The following SGCD variants were observed in gnomAD, a reference collection of about 807,000 sequenced individuals.
SGCD encodes the protein delta-sarcoglycan.
A neutral mutation model predicts 36.6 loss-of-function variants in SGCD; 18 were observed. The ratio of observed to expected loss-of-function variants is 0.49; its 90% CI spans 0.34 to 0.73. The LOEUF is 0.73. Ranked by LOEUF, SGCD falls within the 30% of genes least tolerant of loss-of-function variation. SGCD has a pLI of 0.01. For missense variants in SGCD, 387 were observed against 346.7 expected (o/e 1.12, Z -0.92); for synonymous variants, 133 against 130.6 (o/e 1.02, Z -0.12).
At chr5:156,070,434 T>C (rs967967796) in intron 1 of SGCD, among the ~76,000 whole-genome samples, 1 of 151,134 alleles carries the variant, frequency 6.6e-6, no homozygotes, top group Non-Finnish European at 1.5e-5. Flanking sequence ...GGATTACATT[T>C]ATTGATTTGT....
intron 3 of SGCD, among the ~76,000 whole-genome samples, chr5:156,187,156 G>A (rs1399129729): frequency 6.6e-6 from 1 of 152,084 alleles, no homozygotes; most frequent in South Asian, 2.1e-4. Flanking sequence ...CAGGATAATA[G>A]AGATAATCAT....
intron 6 of SGCD, among the ~76,000 whole-genome samples, chr5:156,638,744 A>T (rs1379600283): frequency 6.6e-6 from 1 of 152,148 alleles, no homozygotes; most frequent in Admixed American, 6.5e-5. Flanking sequence ...TACACTGAGC[A>T]TGAGTTCCGG....
intron 3 of SGCD, among the ~76,000 whole-genome samples, chr5:156,187,837 C>T (rs942504760): frequency 1.1e-4 from 17 of 152,242 alleles, no homozygotes; most frequent in African/African-American, 4.1e-4. Flanking sequence ...CAGTGATTTT[C>T]CAACAAAATT....
intron 4 of SGCD, among the ~76,000 whole-genome samples, chr5:156,547,016 G>C (rs950371795): frequency 2.0e-5 from 3 of 152,112 alleles, no homozygotes; most frequent in Admixed American, 6.5e-5. Flanking sequence ...ATTTCCATCT[G>C]TACAAATATT....
intron 1 of SGCD, among the ~76,000 whole-genome samples, chr5:155,998,463 G>A (rs1758599575): frequency 6.6e-6 from 1 of 152,150 alleles, no homozygotes; most frequent in Non-Finnish European, 1.5e-5. Flanking sequence ...GCTGACTAGG[G>A]TAATTTTCCC....
At chr5:156,641,388 T>TA (rs1467505029) in intron 6 of SGCD, among the ~76,000 whole-genome samples, 1 of 152,194 alleles carries the variant, frequency 6.6e-6, no homozygotes, top group Non-Finnish European at 1.5e-5. Context: ...TACATGAAGA[T>TA]ACCTTTAGCT....
At chr5:156,362,214 T>G (rs1029058996) in intron 3 of SGCD, among the ~76,000 whole-genome samples, 2 of 152,230 alleles carry the variant, frequency 1.3e-5, no homozygotes, top group Non-Finnish European at 2.9e-5. Flanking sequence ...AGAGGCCATT[T>G]GACCTTTACT....
At chr5:155,809,448 T>C in the SGCD span, among the ~76,000 whole-genome samples, 8 of 152,342 alleles carry the variant, frequency 5.3e-5, no homozygotes, top group Admixed American at 2.6e-4. Flanking sequence ...AACTTTGAGT[T>C]ATGTCGCCAG....
intron 6 of SGCD, among the ~76,000 whole-genome samples, chr5:156,618,756 T>C (rs1041802652): frequency 7.2e-5 from 11 of 151,998 alleles, no homozygotes; most frequent in African/African-American, 2.4e-4. Context: ...GGAAAAGGCA[T>C]TTGTTGGGCC....
chr5:156,459,866 A>G (rs1249864689), intron 3 of SGCD, among the ~76,000 whole-genome samples: 1 of 152,160 alleles, frequency 6.6e-6, no homozygotes, highest in Non-Finnish European at 1.5e-5. Context: ...GGTTTGAACA[A>G]GGAAGAGGTA....
intron 3 of SGCD, among the ~76,000 whole-genome samples, chr5:156,243,126 G>A (rs543066931): frequency 8.5e-5 from 13 of 152,188 alleles, no homozygotes; most frequent in Non-Finnish European, 1.6e-4. Context: ...CCCACACAAG[G>A]TGATGAGCAT....
intron 6 of SGCD, among the ~76,000 whole-genome samples, chr5:156,633,950 C>T (rs1762731243): frequency 6.6e-6 from 1 of 152,160 alleles, no homozygotes; most frequent in African/African-American, 2.4e-5. Flanking sequence ...GCCAAGGGTA[C>T]TGTCTTCTAG....
chr5:155,870,854 C>T lies in SGCD; in HGVS notation c.-282+430C>T, dbSNP rs555966166. 1.5e-4 allele frequency among the ~76,000 whole-genome samples: 23 copies of T among 152,236 alleles called. No individual in the cohort carries two copies. The South Asian group carries it at 1.7e-3, about 11-fold the overall frequency. ...GCTCCGTCTCTGTGGGTTTGACTTA[C>T]GGGTCACAACACGCGATCGTTATTT... is the stretch of plus-strand genomic sequence containing the variant. On this transcript the variant is annotated intron_variant, in intron 1 of 9. Coordinates refer to the SGCD transcript ENST00000517913.
rs563331375 is a variant in SGCD, at chr5:156,383,299, A to G, written c.192+38622A>G. 3.9e-5 allele frequency among the ~76,000 whole-genome samples: 6 copies of G among 152,000 alleles called. No homozygotes were observed. In the South Asian group the frequency reaches 1.0e-3, roughly 26 times the overall value. ...CAGGCAGATCACTTGAGGTCAGGAG[A>G]TCGAGACCAGCCTGGCCAACATGGT... On this transcript the variant is annotated intron_variant, in intron 3 of 8. Transcript: ENST00000337851.
chr5:156,150,143 G>T (rs981953828), intron 3 of SGCD, among the ~76,000 whole-genome samples: 1 of 152,032 alleles, frequency 6.6e-6, no homozygotes, highest in Non-Finnish European at 1.5e-5. Flanking sequence ...AGTCTTCAGG[G>T]CTCCCTGCAC....
At chr5:155,920,439 T>C (rs1266363619) in intron 1 of SGCD, among the ~76,000 whole-genome samples, 1 of 151,976 alleles carries the variant, frequency 6.6e-6, no homozygotes, top group Non-Finnish European at 1.5e-5. Flanking sequence ...TTTCTTGTGG[T>C]GTTGATTGTA....
At chr5:156,679,117 T>C (rs1753626198) in intron 7 of SGCD, among the ~76,000 whole-genome samples, 1 of 152,200 alleles carries the variant, frequency 6.6e-6, no homozygotes, top group African/African-American at 2.4e-5. Context: ...TCAGCTGAGA[T>C]TATCCTCTCC....
At chr5:155,777,185 C>A in the SGCD span, among the ~76,000 whole-genome samples, 1 of 152,076 alleles carries the variant, frequency 6.6e-6, no homozygotes, top group African/African-American at 2.4e-5. Context: ...ATAGGTCTTT[C>A]ATGGCATACA....
At position 156,188,672 on chromosome 5, in the gene SGCD, C is replaced by T. The variant is rs1434937009; in HGVS notation, c.-44+64653C>T. On this transcript the variant is annotated intron_variant, in intron 3 of 9. Coordinates refer to the SGCD transcript ENST00000517913. ...GTCTCTCTGACCACCCCAACCGCCC[C>T]CCCCGACACACATACACACAATCCC... 2.9e-5 allele frequency among the ~76,000 whole-genome samples: 4 copies of T among 135,912 alleles called. No individual in the cohort carries two copies. In the South Asian group the frequency reaches 7.7e-4, roughly 26 times the overall value. The allele number at this position is 135,912 out of a possible 152,430, so 89.2% of individuals were successfully genotyped here.
Sources: gnomAD v4.1 joint callset for allele counts (sites outside exome capture counted in the v4.1 genomes callset) on GRCh38, gnomAD v4.1.1 for gene constraint, MANE v1.5 for transcripts, NCBI Gene and HGNC (gene_info 2026-07-23, HGNC 2026-07-21) for gene names.